DNAH11: variants seen among roughly 807,000 people sequenced by gnomAD.
The protein encoded by DNAH11 is dynein axonemal heavy chain 11.
In DNAH11, 442 loss-of-function variants were observed where a neutral mutation model predicts 526.0. That is an observed-to-expected ratio of 0.84 (90% confidence interval 0.78 to 0.91). The LOEUF (loss-of-function observed/expected upper bound fraction) is 0.91. Ranked by LOEUF, DNAH11 falls within the 40% of genes least tolerant of loss-of-function variation. The probability of loss-of-function intolerance (pLI) is 0.00; values close to 1 mark genes in which losing one functional copy is unlikely to be tolerated. For synonymous variants in DNAH11, 2,461 were observed against 1,935.9 expected (o/e 1.27, Z -7.12); for missense variants, 6,989 against 5,448.7 (o/e 1.28, Z -8.90).
At chr7:21,606,257 A>G (rs1785275447) in intron 18 of DNAH11, among the ~76,000 whole-genome samples, 169 bp from the exon 19 acceptor site, 1 of 152,012 alleles carries the variant, frequency 6.6e-6, no homozygotes, top group Non-Finnish European at 1.5e-5. Flanking sequence ...TTGGAGGTGA[A>G]GGTTTCAGTG....
chr7:21,670,946 T>A (rs759536505), intron 30 of DNAH11, among the ~76,000 whole-genome samples: 1 of 152,138 alleles, frequency 6.6e-6, no homozygotes, highest in Non-Finnish European at 1.5e-5. Context: ...TCTACATTTA[T>A]GTTTATCAGG....
intron 65 of DNAH11, among the ~76,000 whole-genome samples, chr7:21,827,189 G>A (rs1449908234): frequency 7.2e-5 from 11 of 152,178 alleles, no homozygotes; most frequent in African/African-American, 1.4e-4. Flanking sequence ...GCCACAGGCC[G>A]ACAACAGCTG....
At chr7:21,836,114 T>G (rs539481309) in intron 65 of DNAH11, among the ~76,000 whole-genome samples, 156 of 152,094 alleles carry the variant, frequency 1.0e-3, no homozygotes, top group African/African-American at 3.7e-3. Flanking sequence ...CACAGACAAA[T>G]GGAAAGATAT....
At chr7:21,556,649 C>T (rs76924254) in intron 2 of DNAH11, among the ~76,000 whole-genome samples, 7,529 of 152,196 alleles carry the variant, frequency 0.049, 619 homozygotes, top group African/African-American at 0.17. Context: ...ATCCGATAGG[C>T]AGTTCTTTAG....
In DNAH11 at chr7:21,788,892, C is replaced by T. The variant is rs190118704; in HGVS notation, c.9925-349C>T. 6.1e-4 allele frequency among the ~76,000 whole-genome samples: 93 copies of T among 152,288 alleles called. No individual in the cohort carries two copies. In the East Asian group the frequency reaches 0.013, roughly 22 times the overall value. On this transcript the variant is annotated intron_variant, in intron 60 of 81. Coordinates refer to ENST00000409508, the MANE Select transcript of DNAH11 (RefSeq NM_001277115.2). Reference sequence around the variant, plus strand: ...ACTTATATCGCATTTTATGCAAGTACTTGTAACTCTAAGGTCCAGATTAAA... The same window carrying T: ...ACTTATATCGCATTTTATGCAAGTATTTGTAACTCTAAGGTCCAGATTAAA...
chr7:21,900,844 A>AC, intron 81 of DNAH11, 163 bp from the exon 82 acceptor site: 1 of 1,185,740 alleles, frequency 8.4e-7, no homozygotes, highest in Non-Finnish European at 1.1e-6. Context: ...AGGGTAACCT[A>AC]CCTTTCAAAG....
intron 45 of DNAH11, among the ~76,000 whole-genome samples, chr7:21,730,177 G>A (rs1019311635): frequency 2.6e-5 from 4 of 152,126 alleles, no homozygotes; most frequent in East Asian, 1.9e-4. Flanking sequence ...ATCTGCACTC[G>A]CATGTTTACT....
chr7:21,839,357 G>A (rs755572099), intron 65 of DNAH11, among the ~76,000 whole-genome samples: 28 of 152,118 alleles, frequency 1.8e-4, no homozygotes, highest in East Asian at 5.8e-4. Flanking sequence ...GGCAAATCAC[G>A]AGGTCAGGAG....
chr7:21,646,300 C>T (rs1028670860), intron 28 of DNAH11, among the ~76,000 whole-genome samples: 3 of 152,088 alleles, frequency 2.0e-5, no homozygotes, highest in Non-Finnish European at 4.4e-5. Flanking sequence ...TGAAAAATTT[C>T]AACAAAATAT....
intron 61 of DNAH11, among the ~76,000 whole-genome samples, chr7:21,789,827 TC>T (rs1299276597): frequency 2.8e-4 from 39 of 138,424 alleles, no homozygotes; most frequent in African/African-American, 9.3e-4. Flanking sequence ...TTTCTTTCTT[TC>T]TTTCTTTCTT....
chr7:21,704,376 T>G, intron 37 of DNAH11, 58 bp from the exon 38 acceptor site: 1 of 1,497,202 alleles, frequency 6.7e-7, no homozygotes, highest in East Asian at 2.4e-5. Context: ...CATCTTTAGT[T>G]TTTTAGGTGT....
At chr7:21,874,191 C>T (rs1222974425) in intron 74 of DNAH11, among the ~76,000 whole-genome samples, 3 of 151,114 alleles carry the variant, frequency 2.0e-5, no homozygotes, top group African/African-American at 7.3e-5. Context: ...ACAGTAATGA[C>T]ATGGTAAAAG....
At chr7:21,566,626 C>T (rs1248802313) in intron 6 of DNAH11, among the ~76,000 whole-genome samples, 3 of 150,844 alleles carry the variant, frequency 2.0e-5, no homozygotes, top group Non-Finnish European at 2.9e-5. Flanking sequence ...AACACTGAAG[C>T]CTAAGAAGAT....
chr7:21,593,297 A>G (rs1004995607), intron 14 of DNAH11, among the ~76,000 whole-genome samples: 19 of 152,184 alleles, frequency 1.2e-4, no homozygotes, highest in Non-Finnish European at 2.9e-5. Flanking sequence ...CACGGAAGTC[A>G]TTGGGATGAG....
At chr7:21,790,788 C>G (rs80299290) in intron 61 of DNAH11, among the ~76,000 whole-genome samples, 21,475 of 151,992 alleles carry the variant, frequency 0.14, 2,399 homozygotes, top group African/African-American at 0.3. Context: ...AATGTTTTGG[C>G]GAGTATGAGG....
chr7:21,799,576 TCTGC>T (rs1788877146), intron 61 of DNAH11, among the ~76,000 whole-genome samples: 1 of 152,222 alleles, frequency 6.6e-6, no homozygotes, highest in East Asian at 1.9e-4. Context: ...GACCTCGTGA[TCTGC>T]CTGCCTCAGC....
Position 21,659,419 on chromosome 7 carries a change from G to T in DNAH11, c.5328+388G>T, listed in dbSNP as rs57860166. Among the ~76,000 whole-genome samples, 37 of 151,770 alleles carry T rather than the reference G, an allele frequency of 2.4e-4. No individual in the cohort carries two copies. In the East Asian group the frequency reaches 7.0e-3, roughly 29 times the overall value. On this transcript the variant is annotated intron_variant, in intron 30 of 81. Coordinates refer to ENST00000409508, the MANE Select transcript of DNAH11 (RefSeq NM_001277115.2). ...AAGAGCAAATATTTTCATGGGCTTTGGTTTTCTGTTAATTATAAATTACAG... is the reference window on the plus strand; with the variant it reads ...AAGAGCAAATATTTTCATGGGCTTTTGTTTTCTGTTAATTATAAATTACAG...
intron 20 of DNAH11, among the ~76,000 whole-genome samples, chr7:21,607,898 A>C (rs1225724309): frequency 2.4e-5 from 3 of 126,914 alleles, no homozygotes; most frequent in Non-Finnish European, 4.7e-5. Flanking sequence ...AGATTGCGCC[A>C]TTGTACTCCA....
intron 65 of DNAH11, among the ~76,000 whole-genome samples, chr7:21,837,614 A>G (rs1359636956): frequency 1.3e-5 from 2 of 152,168 alleles, no homozygotes; most frequent in African/African-American, 2.4e-5. Context: ...AATGGTTACA[A>G]AATTGCCCGT....
Sources: allele counts gnomAD v4.1 joint callset (sites outside exome capture counted in the v4.1 genomes callset), GRCh38; gene constraint gnomAD v4.1.1; transcripts MANE v1.5; gene names NCBI Gene and HGNC (gene_info 2026-07-23, HGNC 2026-07-21).